Variants in UBXN7 observed in about 807,000 individuals in gnomAD.
The protein encoded by UBXN7 is UBX domain-containing protein 7.
A neutral mutation model predicts 58.0 loss-of-function variants in UBXN7; 9 were observed. That is an observed-to-expected ratio of 0.16 (90% CI 0.09 to 0.27). The LOEUF is 0.27. Ranked by LOEUF, UBXN7 falls within the 10% of genes least tolerant of loss-of-function variation. The probability of loss-of-function intolerance (pLI) is 1.00; values close to 1 mark genes in which losing one functional copy is unlikely to be tolerated. For missense variants in UBXN7, 328 were observed against 599.6 expected (o/e 0.55, Z 4.73); for synonymous variants, 208 against 205.0 (o/e 1.01, Z -0.12).
intron 5 of UBXN7, among the ~76,000 whole-genome samples, chr3:196,372,248 A>G (rs1298076991): frequency 6.7e-6 from 1 of 149,780 alleles, no homozygotes; most frequent in African/African-American, 2.4e-5. Flanking sequence ...GCACTGCTCA[A>G]ATTTAAATGA....
At chr3:196,405,292 C>T (rs1730126052) in intron 2 of UBXN7, among the ~76,000 whole-genome samples, 1 of 151,476 alleles carries the variant, frequency 6.6e-6, no homozygotes. Flanking sequence ...CAACGTGGTG[C>T]AACCCCATGT....
chr3:196,423,927 T>C (rs1730765174), intron 1 of UBXN7, among the ~76,000 whole-genome samples: 1 of 150,814 alleles, frequency 6.6e-6, no homozygotes, highest in Non-Finnish European at 1.5e-5. Flanking sequence ...TCACACTCTC[T>C]TGCCCAGGCT....
intron 1 of UBXN7, among the ~76,000 whole-genome samples, chr3:196,408,433 T>C (rs990749728): frequency 1.3e-5 from 2 of 152,200 alleles, no homozygotes; most frequent in African/African-American, 4.8e-5. Context: ...TGCATAAACA[T>C]GTTCATACAC....
rs554366713 is a variant in UBXN7, at chr3:196,401,294, T to C, written c.289+1658A>G. Among the ~76,000 whole-genome samples, 643 of 80,450 alleles carry C rather than the reference T, an allele frequency of 8.0e-3. 4 individuals carry two copies. The highest frequency in any genetic ancestry group is 0.011 in the Non-Finnish European group (518 of 45,154). The allele number at this position is 80,450 out of a possible 152,430, so 52.8% of individuals were successfully genotyped here. On this transcript the variant is annotated intron_variant, in intron 3 of 10. Transcript: ENST00000296328. ...AAAAAAATATATATATATATATATA[T>C]ATATACACACACACACACACACACA...
chr3:196,373,857 C>T (rs922918786), intron 5 of UBXN7, among the ~76,000 whole-genome samples: 1 of 152,098 alleles, frequency 6.6e-6, no homozygotes, highest in African/African-American at 2.4e-5. Context: ...CCCACTCAGC[C>T]CCAGAATAAA....
At chr3:196,384,259 G>A (rs1163568035) in intron 5 of UBXN7, among the ~76,000 whole-genome samples, 1 of 152,108 alleles carries the variant, frequency 6.6e-6, no homozygotes, top group Non-Finnish European at 1.5e-5. Flanking sequence ...GGAAGAAGTT[G>A]AATCTCTGAA....
intron 1 of UBXN7, chr3:196,423,388 G>T: frequency 4.3e-6 from 1 of 230,806 alleles, no homozygotes; most frequent in South Asian, 4.4e-5. Flanking sequence ...GCCTGTGTGG[G>T]CCAATGGACC....
intron 1 of UBXN7, among the ~76,000 whole-genome samples, chr3:196,414,131 G>C (rs574866832): frequency 2.0e-5 from 3 of 152,110 alleles, no homozygotes; most frequent in Admixed American, 2.0e-4. Flanking sequence ...CTGTTCTGTT[G>C]CCACCACCAT....
chr3:196,368,257 A>C, intron 7 of UBXN7, 102 bp from the exon 8 acceptor site: 1 of 1,186,868 alleles, frequency 8.4e-7, no homozygotes, highest in Non-Finnish European at 1.1e-6. Flanking sequence ...CCTTCTGAAC[A>C]CTCTCATTAA....
intron 2 of UBXN7, among the ~76,000 whole-genome samples, chr3:196,406,739 C>T (rs1461513268): frequency 1.3e-5 from 2 of 152,330 alleles, no homozygotes; most frequent in East Asian, 3.9e-4. Context: ...CCACCGCGCC[C>T]AGCCTAGCTT....
At chr3:196,385,127 C>T (rs1433953113) in intron 5 of UBXN7, among the ~76,000 whole-genome samples, 2 of 152,210 alleles carry the variant, frequency 1.3e-5, no homozygotes, top group African/African-American at 2.4e-5. Context: ...CTCAGCCTGC[C>T]GAGTGCCTGG....
intron 3 of UBXN7, among the ~76,000 whole-genome samples, chr3:196,397,348 T>C (rs1364679878): frequency 6.6e-6 from 1 of 152,192 alleles, no homozygotes; most frequent in African/African-American, 2.4e-5. Flanking sequence ...CACATATCTG[T>C]TCGTATTTGG....
intron 1 of UBXN7, among the ~76,000 whole-genome samples, chr3:196,416,528 C>T (rs1168533040): frequency 6.6e-6 from 1 of 152,092 alleles, no homozygotes; most frequent in Non-Finnish European, 1.5e-5. Context: ...TCTACCAGAA[C>T]TCCAATGCCA....
intron 1 of UBXN7, among the ~76,000 whole-genome samples, chr3:196,425,284 T>C (rs1425435848): frequency 6.6e-6 from 1 of 152,046 alleles, no homozygotes; most frequent in African/African-American, 2.4e-5. Flanking sequence ...GCCACTAACT[T>C]TTTTCAGGAC....
At chr3:196,391,380 T>C (rs988853993) in intron 5 of UBXN7, among the ~76,000 whole-genome samples, 2 of 152,136 alleles carry the variant, frequency 1.3e-5, no homozygotes, top group Non-Finnish European at 2.9e-5. Flanking sequence ...GATATACTTA[T>C]TATAATGCCA....
chr3:196,424,804 GCA>G (rs1730797546), intron 1 of UBXN7, among the ~76,000 whole-genome samples: 2 of 149,528 alleles, frequency 1.3e-5, no homozygotes, highest in African/African-American at 4.9e-5. Context: ...CCAGGTTCAA[GCA>G]ATTCTCCTGC....
At chr3:196,369,115 C>T (rs1010334906) in intron 7 of UBXN7, among the ~76,000 whole-genome samples, 6 of 152,056 alleles carry the variant, frequency 3.9e-5, no homozygotes, top group East Asian at 1.9e-4. Context: ...TGAGCCACCA[C>T]GCCCAGCTGG....
rs1304984051 is a variant in UBXN7, at chr3:196,354,279, A to C, written c.*2406T>G. 6.6e-6 allele frequency: 1 copy of C among 152,208 alleles called. No homozygotes were observed. The highest frequency in any genetic ancestry group is 1.5e-5 in the Non-Finnish European group (1 of 68,046). The allele number at this position is 152,208 out of a possible 1,614,324, so 9.4% of individuals were successfully genotyped here. Reference sequence around the variant, plus strand: ...TACTTAATCATCCCACAGTAACCCGAGTTGAAGAAGTTACTTTGGTTTCTC... The same window carrying C: ...TACTTAATCATCCCACAGTAACCCGCGTTGAAGAAGTTACTTTGGTTTCTC... On this transcript the variant is annotated 3_prime_UTR_variant, in exon 11 of 11. Transcript: ENST00000296328.
intron 10 of UBXN7, among the ~76,000 whole-genome samples, chr3:196,358,423 C>A (rs1055626397): frequency 1.3e-5 from 2 of 152,170 alleles, no homozygotes; most frequent in Non-Finnish European, 2.9e-5. Context: ...CTAATTTAAT[C>A]TGGGAAGGAA....
Sources: gnomAD v4.1 joint callset for allele counts (sites outside exome capture counted in the v4.1 genomes callset) on GRCh38, gnomAD v4.1.1 for gene constraint, MANE v1.5 for transcripts, NCBI Gene and HGNC (gene_info 2026-07-23, HGNC 2026-07-21) for gene names.